The following TRIM69 variants were observed in gnomAD, a reference collection of about 807,000 sequenced individuals.
TRIM69 encodes E3 ubiquitin-protein ligase TRIM69.
A neutral mutation model predicts 37.7 loss-of-function variants in TRIM69; 29 were observed. That is an observed-to-expected ratio of 0.77 (90% CI 0.57 to 1.05). The LOEUF (loss-of-function observed/expected upper bound fraction) is 1.05, where lower values mean the gene tolerates loss of function less well. Among genes scored for constraint, TRIM69 ranks in the 50% least tolerant of loss-of-function variants. The pLI, the probability that TRIM69 is intolerant of heterozygous loss-of-function variation, is 0.00. For synonymous variants in TRIM69, 209 were observed against 212.4 expected (o/e 0.98, Z 0.14); for missense variants, 596 against 579.9 (o/e 1.03, Z -0.28).
At chr15:44,752,700 A>G (rs1020398077) in intron 1 of TRIM69, among the ~76,000 whole-genome samples, 1 of 152,018 alleles carries the variant, frequency 6.6e-6, no homozygotes, top group African/African-American at 2.4e-5. Context: ...TTCCTTCATT[A>G]CTTCCCTTTT....
intron 1 of TRIM69, among the ~76,000 whole-genome samples, chr15:44,737,522 A>G (rs2087186773): frequency 2.0e-5 from 3 of 152,228 alleles, no homozygotes; most frequent in Admixed American, 1.3e-4. Context: ...ACACTTTTCC[A>G]TAATAGTAAA....
At chr15:44,753,954 G>A (rs1049572723) in intron 1 of TRIM69, 4 of 152,096 alleles carry the variant, frequency 2.6e-5, no homozygotes, top group Admixed American at 2.6e-4. Flanking sequence ...GACCTCAGGT[G>A]GTCCACCTGC....
intron 1 of TRIM69, chr15:44,753,765 G>C (rs2087584094): frequency 6.6e-6 from 1 of 151,982 alleles, no homozygotes; most frequent in Admixed American, 6.6e-5. Flanking sequence ...GCCCAAGCTG[G>C]GGTGCAGTGG....
rs1051275430 is a variant in TRIM69 at position 44,741,260 on chromosome 15, G to A, written c.6+4550G>A. On this transcript the variant is annotated intron_variant, in intron 1 of 6. Transcript: ENST00000329464. ...GAAGGCAGAAATAAAGATGTTCTTT[G>A]AAACCAATGAGAACAAAGACACAAC... Among the ~76,000 whole-genome samples, 451 of 152,270 alleles carry A rather than the reference G, an allele frequency of 3.0e-3. 4 individuals are homozygous for A. Among genetic ancestry groups the A allele is most frequent in the African/African-American group, 0.01 (433 of 41,536 alleles).
intron 1 of TRIM69, among the ~76,000 whole-genome samples, chr15:44,740,060 A>G (rs1025877014): frequency 6.6e-6 from 1 of 152,246 alleles, no homozygotes; most frequent in African/African-American, 2.4e-5. Context: ...CGACAGCAGC[A>G]TTCGCGGTTC....
intron 6 of TRIM69, among the ~76,000 whole-genome samples, chr15:44,765,780 CAAACA>C (rs869147457): frequency 8.1e-4 from 121 of 149,478 alleles, no homozygotes; most frequent in African/African-American, 2.9e-3. Flanking sequence ...AACAAACAAA[CAAACA>C]AAAAAAAAAC....
At chr15:44,761,034 C>T (rs2087763976) in intron 6 of TRIM69, among the ~76,000 whole-genome samples, 1 of 152,046 alleles carries the variant, frequency 6.6e-6, no homozygotes, top group African/African-American at 2.4e-5. Context: ...TCTCCTGCCT[C>T]AGCCTCCCGA....
intron 1 of TRIM69, among the ~76,000 whole-genome samples, chr15:44,748,893 T>A (rs1293625593): frequency 6.6e-6 from 1 of 151,432 alleles, no homozygotes; most frequent in East Asian, 2.0e-4. Flanking sequence ...GTATTATTAA[T>A]TTTTTGAGAT....
chr15:44,749,101 G>C (rs146747677), intron 1 of TRIM69, among the ~76,000 whole-genome samples: 2 of 151,992 alleles, frequency 1.3e-5, no homozygotes, highest in Non-Finnish European at 2.9e-5. Flanking sequence ...TGTTGCTCAC[G>C]CTGGTCTCAA....
At chr15:44,739,171 A>G (rs1342553326) in intron 1 of TRIM69, among the ~76,000 whole-genome samples, 5 of 152,188 alleles carry the variant, frequency 3.3e-5, no homozygotes, top group African/African-American at 1.2e-4. Flanking sequence ...ATTATCAGTC[A>G]CTTCCCGTTC....
intron 1 of TRIM69, among the ~76,000 whole-genome samples, chr15:44,739,865 T>C (rs2087243375): frequency 6.6e-6 from 1 of 151,598 alleles, no homozygotes; most frequent in African/African-American, 2.4e-5. Flanking sequence ...TCTGACAGCT[T>C]TGAAGAGAGC....
At chr15:44,758,980 T>C (rs527335288) in intron 4 of TRIM69, 126 bp downstream of exon 4, 81 of 1,209,636 alleles carry the variant, frequency 6.7e-5, no homozygotes, top group Admixed American at 4.7e-4. Flanking sequence ...AAAACTGTTA[T>C]AGTGCTTTTA....
At chr15:44,767,086 C>CAAAAAAAAAAAAAAAAAA (rs1268697561) in intron 6 of TRIM69, 145 bp from the exon 7 acceptor site, 4 of 72,292 alleles carry the variant, frequency 5.5e-5, no homozygotes, top group Non-Finnish European at 8.3e-5. Flanking sequence ...AAAAAAAAAG[C>CAAAAAAAAAAAAAAAAAA]ATATAAGTAA....
intron 6 of TRIM69, among the ~76,000 whole-genome samples, chr15:44,764,232 A>G (rs1457540079): frequency 4.6e-5 from 7 of 152,174 alleles, no homozygotes; most frequent in African/African-American, 1.7e-4. Context: ...TAAAATGCAA[A>G]CTGATTTTTA....
chr15:44,756,509 C>A, intron 3 of TRIM69, 46 bp downstream of exon 3: 1 of 1,315,160 alleles, frequency 7.6e-7, no homozygotes, highest in Non-Finnish European at 1.1e-6. Flanking sequence ...TGGAACACAC[C>A]CTCCATGTAA....
chr15:44,758,340 C>G (rs1237313105), intron 3 of TRIM69: 1 of 500,026 alleles, frequency 2.0e-6, no homozygotes, highest in Non-Finnish European at 3.6e-6. Context: ...TGACTAACTC[C>G]ACAGTCTTAT....
At position 44,755,187 on chromosome 15, in the gene TRIM69, G is replaced by T. The variant is rs1016285323; in HGVS notation, c.294G>T (p.Lys98Asn). The change falls in exon 2 of 7, where the codon AAG becomes AAT. Residue 98 changes from lysine (K) to asparagine (N), a missense_variant. By Grantham distance (94) the Lys-to-Asn change is moderately conservative. Transcript: ENST00000329464. The stretch of plus-strand genomic sequence containing the variant: ...GTACATTCAACCCTGTACTGGACAA[G>T]TTGGTAGAGAAGATTAAGAAGTTAC... ...NNCTFNPVLD[K>N]LVEKIKKLPL... 1 of 1,614,246 alleles carries T rather than the reference G, an allele frequency of 6.2e-7. No individual in the cohort carries two copies. The highest frequency in any genetic ancestry group is 1.3e-5 in the African/African-American group (1 of 75,060).
At chr15:44,759,583 GA>G (rs1306200489) in intron 4 of TRIM69, 56 bp from the exon 5 acceptor site, 2 of 1,595,562 alleles carry the variant, frequency 1.3e-6, no homozygotes, top group Non-Finnish European at 1.7e-6. Flanking sequence ...TATCACCAAA[GA>G]AATTTTGAGA....
intron 1 of TRIM69, among the ~76,000 whole-genome samples, chr15:44,751,379 G>T (rs896142739): frequency 9.2e-5 from 14 of 151,950 alleles, no homozygotes; most frequent in Admixed American, 3.9e-4. Context: ...GCCTCCCAAA[G>T]TGCTAGGATT....
Sources: allele counts gnomAD v4.1 joint callset (sites outside exome capture counted in the v4.1 genomes callset), GRCh38; gene constraint gnomAD v4.1.1; transcripts MANE v1.5; gene names NCBI Gene and HGNC (gene_info 2026-07-23, HGNC 2026-07-21).